The following TUB variants were observed in gnomAD, a reference collection of about 807,000 sequenced individuals.
The protein encoded by TUB is TUB bipartite transcription factor.
A neutral mutation model predicts 59.7 loss-of-function variants in TUB; 33 were observed. The ratio of observed to expected loss-of-function variants is 0.55; its 90% confidence interval spans 0.42 to 0.74. The LOEUF (loss-of-function observed/expected upper bound fraction) is 0.74, where lower values mean the gene tolerates loss of function less well. Ranked by LOEUF, TUB falls within the 30% of genes least tolerant of loss-of-function variation. TUB has a pLI of 0.00. For synonymous variants in TUB, 293 were observed against 256.4 expected (o/e 1.14, Z -1.36); for missense variants, 659 against 672.0 (o/e 0.98, Z 0.21).
intron 1 of TUB, among the ~76,000 whole-genome samples, chr11:8,028,436 G>C (rs929151595): frequency 6.6e-6 from 1 of 152,104 alleles, no homozygotes; most frequent in South Asian, 2.1e-4. Flanking sequence ...CTTTAATTTT[G>C]ATGAAGTCCA....
At chr11:8,082,140 C>A (rs1049582560) in intron 1 of TUB, among the ~76,000 whole-genome samples, 8 of 152,220 alleles carry the variant, frequency 5.3e-5, no homozygotes, top group African/African-American at 1.9e-4. Flanking sequence ...ATAACTGACA[C>A]CTGCTTCTCA....
chr11:8,056,415 G>T (rs1943022513), intron 2 of TUB, among the ~76,000 whole-genome samples: 1 of 152,140 alleles, frequency 6.6e-6, no homozygotes, highest in African/African-American at 2.4e-5. Context: ...TTGGAGAGAA[G>T]TATAAATAAA....
chr11:8,074,404 A>G (rs1943411906), intron 2 of TUB, among the ~76,000 whole-genome samples: 1 of 152,130 alleles, frequency 6.6e-6, no homozygotes, highest in Non-Finnish European at 1.5e-5. Context: ...CACCTAAAAT[A>G]TTGTATTCCA....
At chr11:8,055,339 A>G (rs894026523) in intron 2 of TUB, among the ~76,000 whole-genome samples, 1 of 152,150 alleles carries the variant, frequency 6.6e-6, no homozygotes, top group African/African-American at 2.4e-5. Flanking sequence ...ACTCTGGATT[A>G]TCGCTGGGTG....
chr11:8,097,932 G>T (rs956969791), intron 8 of TUB, 106 bp downstream of exon 8: 39 of 821,020 alleles, frequency 4.8e-5, no homozygotes, highest in Non-Finnish European at 7.4e-5. Flanking sequence ...GCCAGGGATG[G>T]ATACTCTCCC....
intron 1 of TUB, among the ~76,000 whole-genome samples, chr11:8,031,019 C>G (rs953564368): frequency 2.0e-5 from 3 of 152,194 alleles, no homozygotes; most frequent in Admixed American, 1.3e-4. Context: ...GTTCAGACAA[C>G]AGAGGCAATG....
chr11:8,064,523 A>G (rs1017693489), intron 2 of TUB, among the ~76,000 whole-genome samples: 1 of 152,178 alleles, frequency 6.6e-6, no homozygotes, highest in African/African-American at 2.4e-5. Context: ...AAGATCAGTA[A>G]CATTTGCTGG....
At chr11:8,054,213 T>G (rs73396744) in intron 2 of TUB, among the ~76,000 whole-genome samples, 1,585 of 152,356 alleles carry the variant, frequency 0.01, 23 homozygotes, top group African/African-American at 0.033. Context: ...GTTTCTTCTA[T>G]GGTTATTAAT....
At chr11:8,059,283 A>G (rs1389299967) in intron 2 of TUB, among the ~76,000 whole-genome samples, 1 of 152,168 alleles carries the variant, frequency 6.6e-6, no homozygotes, top group Admixed American at 6.5e-5. Flanking sequence ...CACTGCCTGT[A>G]TGGAGCTCAC....
At chr11:8,096,598 T>A (rs1227511798) in intron 5 of TUB, 87 bp from the exon 6 acceptor site, 2 of 891,900 alleles carry the variant, frequency 2.2e-6, no homozygotes, top group Non-Finnish European at 3.8e-6. Context: ...TGAGTCAGTG[T>A]CTGAACATGA....
At chr11:8,044,701 C>T (rs2133740686) in intron 2 of TUB, among the ~76,000 whole-genome samples, 1 of 152,344 alleles carries the variant, frequency 6.6e-6, no homozygotes, top group Admixed American at 6.5e-5. Context: ...TCCCGCAAGA[C>T]TTCCCCCATT....
intron 1 of TUB, among the ~76,000 whole-genome samples, chr11:8,032,046 G>A (rs1454363048): frequency 2.0e-5 from 3 of 152,170 alleles, no homozygotes; most frequent in Non-Finnish European, 4.4e-5. Flanking sequence ...AGACCCCCTG[G>A]GGTAAGGAAG....
upstream of TUB, among the ~76,000 whole-genome samples, chr11:8,037,660 C>T (rs1209656875): frequency 1.3e-5 from 2 of 151,940 alleles, no homozygotes; most frequent in East Asian, 3.8e-4. Flanking sequence ...AGTAGTGGGG[C>T]TGGAGGGAGG....
intron 2 of TUB, among the ~76,000 whole-genome samples, chr11:8,041,177 A>T (rs1244028964): frequency 6.6e-6 from 1 of 152,214 alleles, no homozygotes; most frequent in African/African-American, 2.4e-5. Flanking sequence ...TCTTGGCCAT[A>T]CTGGGTTTCT....
intron 1 of TUB, among the ~76,000 whole-genome samples, chr11:8,082,669 C>G (rs1943592371): frequency 6.6e-6 from 1 of 152,236 alleles, no homozygotes; most frequent in Admixed American, 6.5e-5. Context: ...ATACCAGTCA[C>G]TGATAGAAAA....
intron 2 of TUB, among the ~76,000 whole-genome samples, chr11:8,063,619 G>A (rs577903265): frequency 2.3e-4 from 35 of 152,188 alleles, no homozygotes; most frequent in African/African-American, 8.4e-4. Context: ...TGAACCTTTG[G>A]GCTCCTTCCA....
Position 8,097,305 on chromosome 11 carries a change from A to C in TUB, c.765A>C (p.Ala255=), listed in dbSNP as rs1944040077. 1.2e-6 allele frequency: 2 copies of C among 1,614,138 alleles called. No homozygotes were observed. Among genetic ancestry groups the C allele is most frequent in the African/African-American group, 2.7e-5 (2 of 75,022 alleles). The change falls in exon 7 of 12, where the codon GCA becomes GCC. Residue 255 remains alanine, a synonymous_variant. Transcript: ENST00000299506. The part of the protein sequence containing the change: ...DVEVQDLEEF[A]LRPAPQGITI... ...AGGTCCAGGATCTTGAGGAGTTTGC[A>C]CTGAGGCCGGCCCCCCAGGGTATCA...
At chr11:8,048,488 A>G (rs1239325402) in intron 2 of TUB, among the ~76,000 whole-genome samples, 3 of 144,912 alleles carry the variant, frequency 2.1e-5, no homozygotes, top group Admixed American at 1.3e-4. Flanking sequence ...TGCAGCCCAG[A>G]AGTCCTGGGC....
At chr11:8,035,427 C>G (rs767883957), upstream of TUB, 1 of 152,350 alleles carries the variant, frequency 6.6e-6, no homozygotes, top group African/African-American at 2.4e-5. Context: ...GCTGGCCCCA[C>G]TGCTCTCACT....
Sources: allele counts gnomAD v4.1 joint callset (sites outside exome capture counted in the v4.1 genomes callset), GRCh38; gene constraint gnomAD v4.1.1; transcripts MANE v1.5; gene names NCBI Gene and HGNC (gene_info 2026-07-23, HGNC 2026-07-21).